Variants in CSMD3 observed in about 807,000 individuals in gnomAD.
CSMD3 encodes CUB and Sushi multiple domains 3, also known as CUB and sushi domain-containing protein 3.
In CSMD3, 177 loss-of-function variants were observed where a neutral mutation model predicts 435.2. The observed-to-expected ratio is 0.41, with a 90% confidence interval of 0.36 to 0.46. The LOEUF is 0.46. CSMD3 is among the 20% of genes least tolerant of loss of function. The pLI is 0.34. For missense variants in CSMD3, 4,265 were observed against 4,504.6 expected, an observed-to-expected ratio of 0.95 and a Z score of 1.52; for synonymous variants, 1,656 against 1,520.5, an observed-to-expected ratio of 1.09 and a Z score of -2.07.
chr8:112,602,090 T>C (rs936094332), intron 22 of CSMD3, among the ~76,000 whole-genome samples: 2 of 152,190 alleles, frequency 1.3e-5, no homozygotes, highest in Non-Finnish European at 2.9e-5. Context: ...AATGAAATGA[T>C]AAGGAAGCAA....
At chr8:112,880,000 C>A (rs1380136) in intron 10 of CSMD3, among the ~76,000 whole-genome samples, 113,780 of 151,782 alleles carry the variant, frequency 0.75, 43,435 homozygotes, top group East Asian at 0.93. Context: ...AGCAAACCAC[C>A]AAGGCATGTG....
At chr8:113,095,462 T>C (rs776618542) in intron 5 of CSMD3, among the ~76,000 whole-genome samples, 3 of 152,188 alleles carry the variant, frequency 2.0e-5, no homozygotes, top group Non-Finnish European at 4.4e-5. Context: ...ATTACTTTCA[T>C]CGGAGTTACC....
intron 7 of CSMD3, among the ~76,000 whole-genome samples, chr8:112,955,428 A>G (rs113502365): frequency 5.3e-5 from 8 of 151,838 alleles, no homozygotes; most frequent in African/African-American, 1.7e-4. Flanking sequence ...CGTACATAGG[A>G]TATTTTGATA....
At chr8:112,878,451 C>A (rs958250981) in intron 10 of CSMD3, among the ~76,000 whole-genome samples, 1 of 152,262 alleles carries the variant, frequency 6.6e-6, no homozygotes, top group East Asian at 1.9e-4. Context: ...AATAGGAACA[C>A]TTTTACACTG....
intron 13 of CSMD3, among the ~76,000 whole-genome samples, chr8:112,739,777 G>A (rs181691984): frequency 1.2e-3 from 179 of 151,788 alleles, no homozygotes; most frequent in Admixed American, 4.4e-3. Flanking sequence ...AATATCGCAT[G>A]GTGTTTTTTC....
chr8:113,328,460 A>G (rs571436354), intron 1 of CSMD3, among the ~76,000 whole-genome samples: 52 of 151,356 alleles, frequency 3.4e-4, no homozygotes, highest in African/African-American at 1.1e-3. Context: ...AAAAAAGATG[A>G]AAGATGTATT....
At chr8:112,313,114 T>G (rs79143578) in intron 49 of CSMD3, among the ~76,000 whole-genome samples, 2,085 of 152,222 alleles carry the variant, frequency 0.014, 49 homozygotes, top group African/African-American at 0.048. Flanking sequence ...GAACATAACC[T>G]TCACATAATA....
At chr8:112,440,898 T>A (rs992979426) in intron 32 of CSMD3, among the ~76,000 whole-genome samples, 1 of 152,134 alleles carries the variant, frequency 6.6e-6, no homozygotes, top group African/African-American at 2.4e-5. Context: ...CTCCTAGACA[T>A]CCAGGCCTGT....
At position 112,556,877 on chromosome 8, in the gene CSMD3, C is replaced by T. The variant is rs201327971; in HGVS notation, c.4120G>A (p.Gly1374Ser). 8 of 1,611,876 alleles carry T rather than the reference C, an allele frequency of 5.0e-6. No individual in the cohort carries two copies. Among genetic ancestry groups the T allele is most frequent in the Non-Finnish European group, 6.8e-6 (8 of 1,178,626 alleles). The change falls in exon 25 of 71, where the codon GGT (glycine) becomes AGT (serine). Residue 1374 changes from glycine to serine, a missense_variant. Physicochemically the swap from Gly to Ser is moderately conservative, Grantham distance 56 (BLOSUM62 0). This residue lies in a region of CSMD3 where 3,255 missense variants were observed against 3,380.2 expected (regional missense o/e 0.96). Coordinates refer to ENST00000297405, the MANE Select transcript of CSMD3 (RefSeq NM_198123.2). ...TTGCATCCATAAATGATGGTGCTACCAGCAAAGTGGCCTTGGTCACTGATC... is the reference window on the plus strand; with the variant it reads ...TTGCATCCATAAATGATGGTGCTACTAGCAAAGTGGCCTTGGTCACTGATC... ...YKISDQGHFA[G>S]STIIYGCNPG...
intron 6 of CSMD3, among the ~76,000 whole-genome samples, chr8:112,991,028 CAG>C (rs2085439346): frequency 6.6e-6 from 1 of 151,678 alleles, no homozygotes; most frequent in Admixed American, 6.6e-5. Flanking sequence ...AATGGAAAAA[CAG>C]AAGAAATTTT....
At chr8:113,003,766 C>T (rs771630520) in intron 6 of CSMD3, among the ~76,000 whole-genome samples, 5 of 151,890 alleles carry the variant, frequency 3.3e-5, no homozygotes, top group East Asian at 3.9e-4. Flanking sequence ...CATGATTCTA[C>T]GATGCTATAG....
intron 47 of CSMD3, among the ~76,000 whole-genome samples, chr8:112,317,615 G>GT (rs1178848577): frequency 3.9e-5 from 6 of 152,038 alleles, no homozygotes; most frequent in Non-Finnish European, 1.5e-5. Context: ...TCTGGAATAT[G>GT]TAAGTGATAG....
chr8:112,521,713 T>C (rs1824300256), intron 27 of CSMD3, among the ~76,000 whole-genome samples: 1 of 151,914 alleles, frequency 6.6e-6, no homozygotes, highest in Non-Finnish European at 1.5e-5. Flanking sequence ...AACCATTCTC[T>C]TCAAGTGCCT....
chr8:113,076,757 T>C (rs938439173), intron 5 of CSMD3, among the ~76,000 whole-genome samples: 5 of 152,132 alleles, frequency 3.3e-5, no homozygotes, highest in African/African-American at 7.2e-5. Context: ...AAAAGAACTA[T>C]AAAACTATGG....
intron 24 of CSMD3, 43 bp from the exon 25 acceptor site, chr8:112,556,997 G>A (rs2131227186): frequency 8.1e-7 from 1 of 1,228,028 alleles, no homozygotes; most frequent in Non-Finnish European, 1.2e-6. Context: ...AATTTAGGAG[G>A]AGGATTTAAA....
rs149700431 is a variant in CSMD3 at position 112,528,644 on chromosome 8, C to T, written c.4565-11419G>A. 1.3e-4 allele frequency among the ~76,000 whole-genome samples: 20 copies of T among 152,226 alleles called. No individual in the cohort carries two copies. The South Asian group carries it at 1.9e-3, about 14-fold the overall frequency. On this transcript the variant is annotated intron_variant, in intron 27 of 70. Coordinates refer to ENST00000297405, the MANE Select transcript of CSMD3 (RefSeq NM_198123.2). ...AAACACAAATTCAGGAACAAATCAT[C>T]GACAAATTTCCTTTATGAGAAATCC...
In CSMD3 at chr8:112,306,129, A is replaced by G; in HGVS notation, c.7949T>C (p.Val2650Ala). 1 of 1,613,564 alleles carries G rather than the reference A, an allele frequency of 6.2e-7. No individual in the cohort carries two copies. The highest frequency in any genetic ancestry group is 8.5e-7 in the Non-Finnish European group (1 of 1,179,642). ...ACAAAAATAGGTAACTCGCGTTCCT[A>G]CCAAATAGTCTGTTGTTAGTATTCC... ...NGGILTTDYLVGTRVTYFCND... is the reference protein window; with the variant it reads ...NGGILTTDYLAGTRVTYFCND... Residue 2650 changes from valine (V) to alanine (A), a missense_variant, in exon 51 of 71, where the codon GTA (valine) becomes GCA (alanine). Physicochemically the swap from Val to Ala is moderately conservative, Grantham distance 64. Coordinates refer to ENST00000297405, the MANE Select transcript of CSMD3 (RefSeq NM_198123.2).
intron 4 of CSMD3, among the ~76,000 whole-genome samples, chr8:113,111,442 T>G: frequency 6.6e-6 from 1 of 152,144 alleles, no homozygotes; most frequent in Non-Finnish European, 1.5e-5. Flanking sequence ...TCTTAAAACT[T>G]ATTCTAGTTT....
At chr8:113,246,694 G>T (rs1447781934) in intron 3 of CSMD3, among the ~76,000 whole-genome samples, 1 of 152,000 alleles carries the variant, frequency 6.6e-6, no homozygotes, top group Non-Finnish European at 1.5e-5. Context: ...AGCATGTTTT[G>T]TCTGAGAATT....
Sources: gnomAD v4.1 joint callset for allele counts (sites outside exome capture counted in the v4.1 genomes callset) on GRCh38, gnomAD v4.1.1 for gene constraint, gnomAD v4.1.1 regional missense constraint, MANE v1.5 for transcripts, NCBI Gene and HGNC (gene_info 2026-07-23, HGNC 2026-07-21) for gene names.